VIP: variants seen among roughly 807,000 people sequenced by gnomAD.
The protein encoded by VIP is vasoactive intestinal peptide.
VIP carries 18 observed loss-of-function variants against 20.1 expected under a neutral mutation model. The ratio of observed to expected loss-of-function variants is 0.90; its 90% CI spans 0.62 to 1.33. The LOEUF (loss-of-function observed/expected upper bound fraction) is 1.33. VIP is among the 40% of genes most tolerant of loss of function. VIP has a pLI of 0.00. For missense variants in VIP, 209 were observed against 199.4 expected (o/e 1.05, Z -0.29); for synonymous variants, 70 against 68.1 (o/e 1.03, Z -0.14).
At chr6:152,758,643 C>G (rs1259035107) in intron 6 of VIP, among the ~76,000 whole-genome samples, 1 of 151,890 alleles carries the variant, frequency 6.6e-6, no homozygotes, top group South Asian at 2.1e-4. Flanking sequence ...AAGAGGAAAT[C>G]ATGTGGGTCA....
chr6:152,755,451 T>G (rs1011253674), intron 4 of VIP, 78 bp downstream of exon 4: 41 of 918,630 alleles, frequency 4.5e-5, no homozygotes, highest in Non-Finnish European at 5.7e-5. Flanking sequence ...CTTAACAAGT[T>G]ATTTACTTTG....
rs990649874 is a variant in VIP at position 152,752,792 on chromosome 6, T to C, written c.107+508T>C. On this transcript the variant is annotated intron_variant, in intron 2 of 6. Transcript: ENST00000367244. ...TTTGCCAATATTAAATATGGGGTAATTGATCTATTGAGATACACTCCCCCA... is the reference window on the plus strand; with the variant it reads ...TTTGCCAATATTAAATATGGGGTAACTGATCTATTGAGATACACTCCCCCA... Among the ~76,000 whole-genome samples the C allele has an allele frequency of 2.0e-5, 3 of 152,150 alleles. No individual in the cohort carries two copies. In the East Asian group the frequency reaches 5.8e-4, roughly 29 times the overall value.
At chr6:152,755,091 G>T (rs2099730213) in intron 3 of VIP, among the ~76,000 whole-genome samples, 178 bp from the exon 4 acceptor site, 1 of 151,846 alleles carries the variant, frequency 6.6e-6, no homozygotes, top group Admixed American at 6.6e-5. Flanking sequence ...GGTATATCTT[G>T]ATATAAGTGA....
Position 152,750,960 on chromosome 6 carries a change from G to GT in VIP, c.-11+2dup, listed in dbSNP as rs2099729529. The stretch of plus-strand genomic sequence containing the variant: ...CTCCGGGGGAGCACGACTGGGCGAG[G>GT]TAAGTGAAAACTTTACCTTTCCTCT... On this transcript the variant is annotated splice_donor_variant, in intron 1 of 6. Coordinates refer to ENST00000367244, the MANE Select transcript of VIP (RefSeq NM_003381.4). LOFTEE classifies it low-confidence loss of function (5UTR_SPLICE). The GT allele has an allele frequency of 6.6e-6, 1 of 152,172 alleles. No individual in the cohort carries two copies. Among genetic ancestry groups the GT allele is most frequent in the Non-Finnish European group, 1.5e-5 (1 of 68,044 alleles). The allele number at this position is 152,172 out of a possible 1,614,324, so 9.4% of individuals were successfully genotyped here. A position where few individuals can be genotyped will look rare whatever the true frequency, so the allele number is the denominator to read the frequency against.
Position 152,756,262 on chromosome 6 carries a change from G to A in VIP, c.464G>A (p.Arg155Lys). Reference protein sequence around the residue: ...KYLNSILNGKRSSEGESPDFP... With the variant: ...KYLNSILNGKKSSEGESPDFP... Reference sequence around the variant, plus strand: ...TTGAACTCAATTCTGAATGGAAAGAGGAGGTAAAGAAAAAGAGAACTTGCT... The same window carrying A: ...TTGAACTCAATTCTGAATGGAAAGAAGAGGTAAAGAAAAAGAGAACTTGCT... Residue 155 changes from arginine (R) to lysine (K), a missense_variant, in exon 5 of 7, where the codon AGG (arginine) becomes AAG (lysine). Transcript: ENST00000367244. 1.2e-6 allele frequency: 2 copies of A among 1,604,440 alleles called. No homozygotes were observed. Among genetic ancestry groups the A allele is most frequent in the Non-Finnish European group, 8.5e-7 (1 of 1,176,308 alleles).
At chr6:152,756,774 C>T (rs2099730492) in intron 5 of VIP, among the ~76,000 whole-genome samples, 1 of 151,826 alleles carries the variant, frequency 6.6e-6, no homozygotes, top group African/African-American at 2.4e-5. Context: ...ATATTGGACA[C>T]AATACATAAA....
chr6:152,755,211 A>G (rs2099730241), intron 3 of VIP, 58 bp from the exon 4 acceptor site: 1 of 1,162,684 alleles, frequency 8.6e-7, no homozygotes, highest in Non-Finnish European at 1.2e-6. Context: ...ATAAGCCATA[A>G]TAATATTCTA....
At chr6:152,753,365 C>T (rs2099729942) in intron 2 of VIP, among the ~76,000 whole-genome samples, 1 of 152,036 alleles carries the variant, frequency 6.6e-6, no homozygotes, top group South Asian at 2.1e-4. Flanking sequence ...TGGATGTTTG[C>T]CCTAACAGTG....
rs1265132186 is a variant in VIP, at chr6:152,756,203, C to T, written c.405C>T (p.Thr135=). The change falls in exon 5 of 7, where the codon ACC becomes ACT. Residue 135 remains threonine, a synonymous_variant. Coordinates refer to ENST00000367244, the MANE Select transcript of VIP (RefSeq NM_003381.4). ...HSDAVFTDNY[T]RLRKQMAVKK... ...ATGCAGTCTTCACTGACAACTATAC[C>T]CGCCTTAGAAAACAAATGGCTGTAA... The T allele has an allele frequency of 6.2e-7, 1 of 1,611,784 alleles. No individual in the cohort carries two copies. The highest frequency in any genetic ancestry group is 8.5e-7 in the Non-Finnish European group (1 of 1,178,506).
intron 6 of VIP, 116 bp downstream of exon 6, chr6:152,757,300 C>T (rs111353056): frequency 1.2e-5 from 8 of 652,896 alleles, no homozygotes; most frequent in Non-Finnish European, 2.1e-5. Flanking sequence ...ATCATGAGAC[C>T]TCATCCAAGA....
chr6:152,752,510 A>AGTG (rs145555180), intron 2 of VIP, among the ~76,000 whole-genome samples: 3,321 of 152,200 alleles, frequency 0.022, 138 homozygotes, highest in African/African-American at 0.076. Flanking sequence ...TTATGGGCTG[A>AGTG]GTGGATCACA....
intron 3 of VIP, among the ~76,000 whole-genome samples, chr6:152,754,953 T>C (rs975879182): frequency 6.6e-6 from 1 of 151,932 alleles, no homozygotes; most frequent in South Asian, 2.1e-4. Flanking sequence ...TTTAAATAGA[T>C]CATATTTTTA....
chr6:152,755,431 T>C, intron 4 of VIP, 58 bp downstream of exon 4: 1 of 1,059,154 alleles, frequency 9.4e-7, no homozygotes, highest in Non-Finnish European at 1.3e-6. Flanking sequence ...CTGAATATTG[T>C]ATTTTCACTC....
intron 2 of VIP, among the ~76,000 whole-genome samples, 153 bp from the exon 3 acceptor site, chr6:152,754,013 A>G (rs909221221): frequency 1.3e-5 from 2 of 152,066 alleles, no homozygotes; most frequent in Non-Finnish European, 2.9e-5. Context: ...CTCATTAACT[A>G]TATGAGCCAT....
chr6:152,755,741 T>C (rs556665063), intron 4 of VIP, among the ~76,000 whole-genome samples: 30 of 151,944 alleles, frequency 2.0e-4, no homozygotes, highest in Admixed American at 1.2e-3. Context: ...AATGGAGAAT[T>C]CCAAATGGCC....
Position 152,752,280 on chromosome 6 carries a change from C to G in VIP, c.103C>G (p.Leu35Val). 6.2e-7 allele frequency: 1 copy of G among 1,611,732 alleles called. No individual in the cohort carries two copies. The highest frequency in any genetic ancestry group is 1.1e-5 in the South Asian group (1 of 91,014). The change falls in exon 2 of 7, where the codon CTC becomes GTC. Residue 35 changes from leucine to valine, a missense_variant. Physicochemically the swap from Leu to Val is conservative, Grantham distance 32. Transcript: ENST00000367244. ...AWPLYRAPSA[L>V]RLGDRIPFEG... The stretch of plus-strand genomic sequence containing the variant: ...GCCTCTTTACAGGGCACCTTCTGCT[C>G]TCAGGTAAGTTCCCTTTCAATTCAA...
intron 3 of VIP, 133 bp from the exon 4 acceptor site, chr6:152,755,136 C>A: frequency 1.9e-6 from 1 of 521,204 alleles, no homozygotes; most frequent in Non-Finnish European, 3.3e-6. Context: ...GTTAAGAAAT[C>A]TCCTTTTGAA....
Position 152,755,254 on chromosome 6 carries a change from T to C in VIP, c.231-15T>C, listed in dbSNP as rs1354601743. The C allele has an allele frequency of 1.3e-6, 2 of 1,531,116 alleles. No homozygotes were observed. The allele number at this position is 1,531,116 out of a possible 1,614,324, so 94.8% of individuals were successfully genotyped here. On this transcript the variant is annotated splice_polypyrimidine_tract_variant and intron_variant, in intron 3 of 6. Transcript: ENST00000367244. Reference sequence around the variant, plus strand: ...ATTTACAAAATAATAGCTATTTTTTTCTTCCTTGTTTTAGAAATGCCAGGC... The same window carrying C: ...ATTTACAAAATAATAGCTATTTTTTCCTTCCTTGTTTTAGAAATGCCAGGC...
rs532833101 is a variant in VIP at position 152,759,270 on chromosome 6, A to G, written c.*404A>G. On this transcript the variant is annotated 3_prime_UTR_variant, in exon 7 of 7. Transcript: ENST00000367244. ...TATAGAGTGTACTTAACTATTCAGGAGAGTAGAACAGATAATCAGTGTGTC... is the reference window on the plus strand; with the variant it reads ...TATAGAGTGTACTTAACTATTCAGGGGAGTAGAACAGATAATCAGTGTGTC... 2.0e-5 allele frequency: 3 copies of G among 152,140 alleles called. No individual in the cohort carries two copies. The East Asian group carries it at 5.8e-4, about 29-fold the overall frequency. 9.4% of individuals were successfully genotyped at this position (152,140 alleles called of 1,614,324 possible). A position where few individuals can be genotyped will look rare whatever the true frequency, so the allele number is the denominator to read the frequency against.
Sources: gnomAD v4.1 joint callset for allele counts (sites outside exome capture counted in the v4.1 genomes callset) on GRCh38, gnomAD v4.1.1 for gene constraint, MANE v1.5 for transcripts, NCBI Gene and HGNC (gene_info 2026-07-23, HGNC 2026-07-21) for gene names.